The following ZNF782 variants were observed in gnomAD, a reference collection of about 807,000 sequenced individuals.
The protein encoded by ZNF782 is zinc finger protein 782.
ZNF782 carries 12 observed loss-of-function variants against 13.0 expected under a neutral mutation model. The observed-to-expected ratio is 0.92, with a 90% confidence interval of 0.59 to 1.50. ZNF782 has a LOEUF of 1.50. ZNF782 is among the 40% of genes most tolerant of loss of function. The pLI is 0.00. For missense variants in ZNF782, 770 were observed against 822.9 expected (o/e 0.94, Z 0.79); for synonymous variants, 284 against 283.0 (o/e 1.00, Z -0.04).
rs756502814 is a variant in ZNF782, at chr9:96,819,112, T to C, written c.911A>G (p.His304Arg). Residue 304 changes from histidine (H) to arginine (R), a missense_variant, in exon 6 of 6, where the codon CAT becomes CGT. Transcript: ENST00000481138. ...GGGTTTCACCCCTATATGAACTCTA[T>C]GATGTTCTCTAATGTGTGACTTTTG... ...FSQKSHIREH[H>R]RVHIGVKPFE... 4 of 1,614,116 alleles carry C rather than the reference T, an allele frequency of 2.5e-6. No individual in the cohort carries two copies. Among genetic ancestry groups the C allele is most frequent in the Admixed American group, 1.7e-5 (1 of 60,028 alleles).
chr9:96,877,655 C>T (rs1358506014), upstream of ZNF782, among the ~76,000 whole-genome samples: 2 of 152,194 alleles, frequency 1.3e-5, no homozygotes, highest in Admixed American at 6.5e-5. Context: ...CCGTTCCTTG[C>T]GGTCCGCGGT....
At chr9:96,917,889 T>TGCGTGCGTGC in the ZNF782 span, among the ~76,000 whole-genome samples, 19 of 123,982 alleles carry the variant, frequency 1.5e-4, no homozygotes, top group African/African-American at 5.2e-4. Context: ...ACCCTTGGCG[T>TGCGTGCGTGC]GTGTGTGTGT....
chr9:96,846,124 T>C (rs59182808), intron 3 of ZNF782, among the ~76,000 whole-genome samples: 7,661 of 152,228 alleles, frequency 0.05, 555 homozygotes, highest in African/African-American at 0.16. Context: ...TGAAATAAAG[T>C]TATTTCAGAC....
At chr9:96,870,648 T>C (rs1044959119) in intron 1 of ZNF782, among the ~76,000 whole-genome samples, 20 of 152,252 alleles carry the variant, frequency 1.3e-4, no homozygotes, top group Admixed American at 4.6e-4. Context: ...CAGTGAACTA[T>C]GTAAGGGTTT....
chr9:96,879,645 A>G (rs2118906876), upstream of ZNF782, among the ~76,000 whole-genome samples: 1 of 152,342 alleles, frequency 6.6e-6, no homozygotes, highest in East Asian at 1.9e-4. Flanking sequence ...ATGTGAGGGG[A>G]AGGAAATGTT....
intron 4 of ZNF782, among the ~76,000 whole-genome samples, chr9:96,836,212 CTT>C (rs1163521968): frequency 2.6e-4 from 35 of 137,118 alleles, no homozygotes; most frequent in Admixed American, 3.7e-4. Context: ...AAGTAAAAAA[CTT>C]TTTTTTTTTT....
At chr9:96,846,276 AATAATTC>A (rs1342622703) in intron 3 of ZNF782, among the ~76,000 whole-genome samples, 2 of 152,210 alleles carry the variant, frequency 1.3e-5, no homozygotes, top group Non-Finnish European at 2.9e-5. Flanking sequence ...CCTATAAACC[AATAATTC>A]AATGAAAAAA....
In ZNF782 at chr9:96,822,321, G is replaced by T. The variant is rs10979175; in HGVS notation, c.245-2543C>A. ...TTATATTGCATGGACTCAATATATA[G>T]AAGAGTAAAGCAGAGACCATTCTTT... On this transcript the variant is annotated intron_variant, in intron 5 of 5. Transcript: ENST00000481138. Among the ~76,000 whole-genome samples the T allele has an allele frequency of 0.02, 3,114 of 152,212 alleles. 179 individuals are homozygous for T. The East Asian group carries it at 0.24, about 12-fold the overall frequency.
chr9:96,922,211 C>T, the ZNF782 span, among the ~76,000 whole-genome samples: 1 of 151,666 alleles, frequency 6.6e-6, no homozygotes, highest in South Asian at 2.1e-4. Flanking sequence ...CAACACTCTA[C>T]AACATAATTG....
the ZNF782 span, among the ~76,000 whole-genome samples, chr9:96,920,015 T>C: frequency 1.3e-5 from 2 of 151,440 alleles, no homozygotes; most frequent in Non-Finnish European, 2.9e-5. Context: ...TGTAAACATC[T>C]AGCTAAGACA....
At chr9:96,930,871 G>GTTTTT in the ZNF782 span, among the ~76,000 whole-genome samples, 9 of 104,404 alleles carry the variant, frequency 8.6e-5, 1 homozygote, top group African/African-American at 3.0e-4. Context: ...TCCATCCAGT[G>GTTTTT]GTTTTTTTTT....
At chr9:96,875,660 C>T, upstream of ZNF782, 1 of 452,874 alleles carries the variant, frequency 2.2e-6, no homozygotes. Flanking sequence ...GCTCCACCTG[C>T]GTCCCCGGGA....
Position 96,827,184 on chromosome 9 carries a change from A to G in ZNF782, c.143-3T>C. The G allele has an allele frequency of 1.3e-6, 2 of 1,598,780 alleles. No homozygotes were observed. The highest frequency in any genetic ancestry group is 1.1e-5 in the South Asian group (1 of 89,220). On this transcript the variant is annotated splice_polypyrimidine_tract_variant and splice_region_variant and intron_variant, in intron 4 of 5. Transcript: ENST00000481138. ...TTCTGGTTTTGTAAAGCAGTAGCCT[A>G]TAAATGGGAAACAATTTAGCATTTG...
At chr9:96,897,773 T>C in the ZNF782 span, 1 of 151,664 alleles carries the variant, frequency 6.6e-6, no homozygotes, top group African/African-American at 2.4e-5. Context: ...GGTCACCTCC[T>C]GCCACCTCTT....
chr9:96,837,868 C>T (rs1334925434), intron 4 of ZNF782, among the ~76,000 whole-genome samples: 1 of 152,184 alleles, frequency 6.6e-6, no homozygotes, highest in African/African-American at 2.4e-5. Context: ...ACTACTGGCA[C>T]ATGCCACCAT....
chr9:96,911,012 A>G, the ZNF782 span, among the ~76,000 whole-genome samples: 1 of 146,056 alleles, frequency 6.8e-6, no homozygotes, highest in Non-Finnish European at 1.5e-5. Flanking sequence ...TTTTGTACAT[A>G]TTGTTAGGGT....
the ZNF782 span, among the ~76,000 whole-genome samples, chr9:96,903,839 G>A: frequency 6.6e-6 from 1 of 151,894 alleles, no homozygotes; most frequent in Non-Finnish European, 1.5e-5. Flanking sequence ...TGGGATTACA[G>A]GCATGAGCCT....
In ZNF782 at chr9:96,854,467, A is replaced by T. The variant is rs1195947122; in HGVS notation, c.-641T>A. 1 of 152,202 alleles carries T rather than the reference A, an allele frequency of 6.6e-6. No homozygotes were observed. Among genetic ancestry groups the T allele is most frequent in the Non-Finnish European group, 1.5e-5 (1 of 68,054 alleles). The allele number at this position is 152,202 out of a possible 1,614,324, so 9.4% of individuals were successfully genotyped here. ...TCCGAGCCGACCCCCGAGCTTCCCA[A>T]ACCGCTTCCCGGGAGTCTCGAGAAC... On this transcript the variant is annotated 5_prime_UTR_variant, in exon 1 of 6. The change creates a new upstream start codon in the 5' untranslated region. Transcript: ENST00000481138.
At chr9:96,833,981 G>C (rs1850898186) in intron 4 of ZNF782, among the ~76,000 whole-genome samples, 1 of 152,120 alleles carries the variant, frequency 6.6e-6, no homozygotes, top group African/African-American at 2.4e-5. Context: ...GCTATGGTTT[G>C]GGTATGGTTT....
Sources: allele counts gnomAD v4.1 joint callset (sites outside exome capture counted in the v4.1 genomes callset), GRCh38; gene constraint gnomAD v4.1.1; transcripts MANE v1.5; gene names NCBI Gene and HGNC (gene_info 2026-07-23, HGNC 2026-07-21).